Variants in VAV3 observed in about 807,000 individuals in gnomAD.
The protein encoded by VAV3 is guanine nucleotide exchange factor VAV3.
A neutral mutation model predicts 131.2 loss-of-function variants in VAV3; 94 were observed. That is an observed-to-expected ratio of 0.72 (90% CI 0.61 to 0.85). The LOEUF (loss-of-function observed/expected upper bound fraction) is 0.85, where lower values mean the gene tolerates loss of function less well. VAV3 is among the 40% of genes least tolerant of loss of function. The pLI, the probability that VAV3 is intolerant of heterozygous loss-of-function variation, is 0.00. For missense variants in VAV3, 939 were observed against 1,002.7 expected (o/e 0.94, Z 0.86); for synonymous variants, 349 against 342.0 (o/e 1.02, Z -0.22).
intron 21 of VAV3, among the ~76,000 whole-genome samples, chr1:107,612,186 A>G (rs1230776974): frequency 6.7e-6 from 1 of 149,814 alleles, no homozygotes; most frequent in East Asian, 1.9e-4. Context: ...ATTGGTCTAT[A>G]TATATATATA....
intron 19 of VAV3, among the ~76,000 whole-genome samples, chr1:107,682,189 T>C (rs964996051): frequency 6.6e-6 from 1 of 152,096 alleles, no homozygotes; most frequent in Non-Finnish European, 1.5e-5. Context: ...TTCTAGAAAA[T>C]TTTGGCTATA....
At chr1:107,908,648 C>T (rs577887058) in intron 1 of VAV3, among the ~76,000 whole-genome samples, 129 of 152,146 alleles carry the variant, frequency 8.5e-4, no homozygotes, top group Non-Finnish European at 1.5e-3. Context: ...GCATACTTTT[C>T]TTGCACAATT....
At chr1:107,746,531 A>T (rs890132020) in intron 15 of VAV3, among the ~76,000 whole-genome samples, 1 of 152,190 alleles carries the variant, frequency 6.6e-6, no homozygotes, top group African/African-American at 2.4e-5. Context: ...ACATACCCCT[A>T]TATGTATAAA....
rs376021763 is a variant in VAV3, at chr1:107,757,344, T to C, written c.1018-15A>G. 2 of 1,607,226 alleles carry C rather than the reference T, an allele frequency of 1.2e-6. No homozygotes were observed. Among genetic ancestry groups the C allele is most frequent in the Non-Finnish European group, 1.7e-6 (2 of 1,176,422 alleles). ...TTGACCAGTTCCTATTTGGAAGATA[T>C]GGTTTAGTACTACTTTCATCAAATT... On this transcript the variant is annotated splice_polypyrimidine_tract_variant and intron_variant, in intron 10 of 26. Transcript: ENST00000370056.
rs1269988603 is a variant in VAV3 at position 107,765,143 on chromosome 1, A to G, written c.854T>C (p.Val285Ala). The change falls in exon 9 of 27, where the codon GTG becomes GCG. Residue 285 changes from valine to alanine, a missense_variant. By Grantham distance (64) the Val-to-Ala change is moderately conservative. Coordinates refer to ENST00000370056, the MANE Select transcript of VAV3 (RefSeq NM_006113.5). ...GTCTAAACTAGAGATGGCTGACTCCACTCCACTGCAGTACTGCCCGTAAAT... is the reference window on the plus strand; with the variant it reads ...GTCTAAACTAGAGATGGCTGACTCCGCTCCACTGCAGTACTGCCCGTAAAT... Reference protein sequence around the residue: ...LVIYGQYCSGVESAISSLDYI... With the variant: ...LVIYGQYCSGAESAISSLDYI... The G allele has an allele frequency of 6.2e-7, 1 of 1,613,464 alleles. No homozygotes were observed. The highest frequency in any genetic ancestry group is 1.7e-5 in the Admixed American group (1 of 59,990).
rs1663573530 is a variant in VAV3, at chr1:107,749,516, A to T, written c.1338T>A (p.Asp446Glu). 6.2e-7 allele frequency: 1 copy of T among 1,611,758 alleles called. No individual in the cohort carries two copies. Among genetic ancestry groups the T allele is most frequent in the African/African-American group, 1.3e-5 (1 of 74,792 alleles). The change falls in exon 14 of 27, where the codon GAT (aspartate) becomes GAA (glutamate). Residue 446 changes from aspartate (D) to glutamate (E), a missense_variant. Coordinates refer to ENST00000370056, the MANE Select transcript of VAV3 (RefSeq NM_006113.5). ...TATTGGCTATCTTGTACTGCTGAAG[A>T]TCTATTATTTCCTTCATTTCATAGT... ...GDNYEMKEII[D>E]LQQYKIANNP...
At chr1:107,830,263 T>G in intron 2 of VAV3, among the ~76,000 whole-genome samples, 1 of 151,746 alleles carries the variant, frequency 6.6e-6, no homozygotes, top group Non-Finnish European at 1.5e-5. Flanking sequence ...AGGGCAGTGA[T>G]GCAATCATAG....
chr1:107,734,359 A>T (rs1304514511), intron 15 of VAV3, among the ~76,000 whole-genome samples: 5 of 152,200 alleles, frequency 3.3e-5, no homozygotes, highest in Admixed American at 3.3e-4. Flanking sequence ...ATACATAACA[A>T]TATTAACCTT....
At chr1:107,597,463 T>C (rs949229444) in intron 24 of VAV3, among the ~76,000 whole-genome samples, 1 of 152,186 alleles carries the variant, frequency 6.6e-6, no homozygotes, top group African/African-American at 2.4e-5. Context: ...ATTATAAAGA[T>C]AAGCCTCCTG....
intron 25 of VAV3, among the ~76,000 whole-genome samples, chr1:107,587,807 G>T (rs546601911): frequency 4.8e-4 from 73 of 152,184 alleles, no homozygotes; most frequent in African/African-American, 1.6e-3. Flanking sequence ...GGCCAGGCAG[G>T]TTTCAAACTC....
intron 1 of VAV3, among the ~76,000 whole-genome samples, chr1:107,946,495 CAATATGTTA>C (rs1472717861): frequency 5.3e-5 from 8 of 152,078 alleles, no homozygotes; most frequent in Middle Eastern, 3.2e-3. Flanking sequence ...CACTATCTGG[CAATATGTTA>C]ACAGGAGCTA....
At chr1:107,947,367 T>C (rs979927841) in intron 1 of VAV3, among the ~76,000 whole-genome samples, 3 of 147,784 alleles carry the variant, frequency 2.0e-5, no homozygotes, top group African/African-American at 5.0e-5. Flanking sequence ...AAGTTTGCCA[T>C]AGACAAGCGA....
At chr1:107,834,326 C>T (rs1668380416) in intron 2 of VAV3, among the ~76,000 whole-genome samples, 1 of 151,992 alleles carries the variant, frequency 6.6e-6, no homozygotes, top group Non-Finnish European at 1.5e-5. Flanking sequence ...ATAAATTAGC[C>T]CCCTTCAGGA....
chr1:107,770,427 T>C (rs181473155), intron 6 of VAV3, among the ~76,000 whole-genome samples: 2 of 152,332 alleles, frequency 1.3e-5, no homozygotes, highest in East Asian at 1.9e-4. Flanking sequence ...TATTTATTAC[T>C]ATATCCTTAG....
chr1:107,853,243 A>T (rs899776002), intron 2 of VAV3, among the ~76,000 whole-genome samples: 4 of 152,206 alleles, frequency 2.6e-5, no homozygotes, highest in Admixed American at 1.3e-4. Context: ...CTTATTAGTC[A>T]TGTGGCTATG....
intron 19 of VAV3, among the ~76,000 whole-genome samples, chr1:107,674,266 C>A (rs1047160533): frequency 6.6e-6 from 1 of 152,136 alleles, no homozygotes; most frequent in South Asian, 2.1e-4. Context: ...ATACACATGG[C>A]GTGTTTCAGT....
chr1:107,804,397 A>G (rs1310666602), intron 2 of VAV3, among the ~76,000 whole-genome samples: 2 of 152,104 alleles, frequency 1.3e-5, no homozygotes, highest in Non-Finnish European at 2.9e-5. Flanking sequence ...TAATTTTAGC[A>G]TATCTATTAT....
chr1:107,862,045 C>T (rs1179675116), intron 2 of VAV3, among the ~76,000 whole-genome samples: 1 of 151,670 alleles, frequency 6.6e-6, no homozygotes, highest in Non-Finnish European at 1.5e-5. Flanking sequence ...TTTAGCAGAA[C>T]TTTTCATGTC....
At chr1:107,927,395 C>G (rs1423716214) in intron 1 of VAV3, among the ~76,000 whole-genome samples, 1 of 152,030 alleles carries the variant, frequency 6.6e-6, no homozygotes, top group Admixed American at 6.6e-5. Flanking sequence ...GAGAGAGATG[C>G]CTTCTGTTTG....
Sources: allele counts gnomAD v4.1 joint callset (sites outside exome capture counted in the v4.1 genomes callset), GRCh38; gene constraint gnomAD v4.1.1; transcripts MANE v1.5; gene names NCBI Gene and HGNC (gene_info 2026-07-23, HGNC 2026-07-21).